The following ANKRD63 variants were observed in gnomAD, a reference collection of about 807,000 sequenced individuals.
The protein encoded by ANKRD63 is ankyrin repeat domain-containing protein 63.
ANKRD63 carries 18 observed loss-of-function variants against 21.2 expected under a neutral mutation model. The observed-to-expected ratio is 0.85, with a 90% confidence interval of 0.59 to 1.26. The LOEUF (loss-of-function observed/expected upper bound fraction) is 1.26, where lower values mean the gene tolerates loss of function less well. Among genes scored for constraint, ANKRD63 ranks in the 50% most tolerant of loss-of-function variants. The pLI is 0.00. For synonymous variants in ANKRD63, 322 were observed against 273.3 expected (o/e 1.18, Z -1.76); for missense variants, 523 against 570.9 (o/e 0.92, Z 0.85).
rs1031378114 is a variant in ANKRD63, at chr15:40,279,165, G to T, written c.*2279C>A. Among the ~76,000 whole-genome samples the T allele has an allele frequency of 6.6e-6, 1 of 152,180 alleles. No homozygotes were observed. Among genetic ancestry groups the T allele is most frequent in the African/African-American group, 2.4e-5 (1 of 41,416 alleles). On this transcript the variant is annotated 3_prime_UTR_variant, in exon 1 of 1. Coordinates refer to ENST00000434396, the MANE Select transcript of ANKRD63 (RefSeq NM_001190479.3). ...ACCACCCAGACGGGGACTGAGGAGA[G>T]GCAGATGTTTTGGGAGAAGAGGGGA...
Position 40,281,400 on chromosome 15 carries a change from GA to G in ANKRD63, c.*43del. ...AGAAGAGAGAAATACCAGTGGAGTA[GA>G]AACGGGAGGGTAGGGGAAGCAGGCC... On this transcript the variant is annotated 3_prime_UTR_variant, in exon 1 of 1. Coordinates refer to ENST00000434396, the MANE Select transcript of ANKRD63 (RefSeq NM_001190479.3). 3.0e-6 allele frequency: 4 copies of G among 1,344,478 alleles called. No homozygotes were observed. The highest frequency in any genetic ancestry group is 3.8e-6 in the Non-Finnish European group (4 of 1,048,202). 83.3% of individuals were successfully genotyped at this position (1,344,478 alleles called of 1,614,324 possible). A position where few individuals can be genotyped will look rare whatever the true frequency, so the allele number is the denominator to read the frequency against.
rs945185642 is a variant in ANKRD63 at position 40,282,028 on chromosome 15, G to A, written c.559C>T (p.Arg187Trp). The change falls in exon 1 of 1, where the codon CGG becomes TGG. Residue 187 changes from arginine to tryptophan, a missense_variant. By Grantham distance (101) the Arg-to-Trp change is moderately radical. Transcript: ENST00000434396. Reference sequence around the variant, plus strand: ...GGGGGACTATCGGAGTTGGAGCCCCGGGCCGCAGCGGCGGCGGCGGCGCGG... The same window carrying A: ...GGGGGACTATCGGAGTTGGAGCCCCAGGCCGCAGCGGCGGCGGCGGCGCGG... Reference protein sequence around the residue: ...WGRAAAAAAARGSNSDSPPGR... With the variant: ...WGRAAAAAAAWGSNSDSPPGR... The A allele has an allele frequency of 5.7e-6, 7 of 1,219,774 alleles. No homozygotes were observed. Among genetic ancestry groups the A allele is most frequent in the Non-Finnish European group, 6.1e-6 (6 of 981,884 alleles). The allele number at this position is 1,219,774 out of a possible 1,614,324, so 75.6% of individuals were successfully genotyped here. A position where few individuals can be genotyped will look rare whatever the true frequency, so the allele number is the denominator to read the frequency against.
rs2039549027 is a variant in ANKRD63 at position 40,281,957 on chromosome 15, G to T, written c.630C>A (p.Ser210Arg). ...GGAGAGGCCGCGGGAGGCGGCGGGG[G>T]CTGGGTCGTCGATGCTCGGGGCTGG... ...PAASPEHRRPSPRRLPRPLLA... is the reference protein window; with the variant it reads ...PAASPEHRRPRPRRLPRPLLA... The change falls in exon 1 of 1, where the codon AGC becomes AGA. Residue 210 changes from serine to arginine, a missense_variant. Coordinates refer to ENST00000434396, the MANE Select transcript of ANKRD63 (RefSeq NM_001190479.3). 3 of 1,280,854 alleles carry T rather than the reference G, an allele frequency of 2.3e-6. No individual in the cohort carries two copies. Among genetic ancestry groups the T allele is most frequent in the Non-Finnish European group, 2.0e-6 (2 of 1,016,590 alleles). 79.3% of individuals were successfully genotyped at this position (1,280,854 alleles called of 1,614,324 possible).
Position 40,281,919 on chromosome 15 carries a change from G to T in ANKRD63, c.668C>A (p.Ala223Glu). ...RLPRPLLARF[A>E]RAAGGHGGEA... Reference sequence around the variant, plus strand: ...GCCGCCGTGGCCGCCCGCCGCTCGCGCAAAGCGCGCCAGGAGAGGCCGCGG... The same window carrying T: ...GCCGCCGTGGCCGCCCGCCGCTCGCTCAAAGCGCGCCAGGAGAGGCCGCGG... Residue 223 changes from alanine (A) to glutamate (E), a missense_variant, in exon 1 of 1, where the codon GCG (alanine) becomes GAG (glutamate). Physicochemically the swap from Ala to Glu is moderately radical, Grantham distance 107 (BLOSUM62 -1). Around this residue, in one of 2 missense-constraint regions of ANKRD63, gnomAD observed 308 missense variants for 290.4 expected, o/e 1.06. Coordinates refer to ENST00000434396, the MANE Select transcript of ANKRD63 (RefSeq NM_001190479.3). 7.1e-7 allele frequency: 1 copy of T among 1,404,472 alleles called. No individual in the cohort carries two copies. The highest frequency in any genetic ancestry group is 1.6e-5 in the South Asian group (1 of 63,732). The allele number at this position is 1,404,472 out of a possible 1,614,324, so 87.0% of individuals were successfully genotyped here. A position where few individuals can be genotyped will look rare whatever the true frequency, so the allele number is the denominator to read the frequency against.
At position 40,282,386 on chromosome 15, in the gene ANKRD63, C is replaced by G; in HGVS notation, c.201G>C (p.Val67=). The G allele has an allele frequency of 6.7e-7, 1 of 1,498,646 alleles. No homozygotes were observed. Among genetic ancestry groups the G allele is most frequent in the Non-Finnish European group, 8.8e-7 (1 of 1,133,220 alleles). 92.8% of individuals were successfully genotyped at this position (1,498,646 alleles called of 1,614,324 possible). A position where few individuals can be genotyped will look rare whatever the true frequency, so the allele number is the denominator to read the frequency against. The change falls in exon 1 of 1, where the codon GTG becomes GTC. Residue 67 remains valine, a synonymous_variant. Transcript: ENST00000434396. ...CAGCACCCTGCTCGAGCAGCAGCCG[C>G]ACGAAGCGCGCGCGCAGCGCGGGGT... ...LPDPALRARF[V]RLLLEQGAAV...
Position 40,282,159 on chromosome 15 carries a change from AG to A in ANKRD63, c.427del (p.Leu143Ter). 2 of 1,486,804 alleles carry A rather than the reference AG, an allele frequency of 1.3e-6. No individual in the cohort carries two copies. The highest frequency in any genetic ancestry group is 1.8e-6 in the Non-Finnish European group (2 of 1,127,506). 92.1% of individuals were successfully genotyped at this position (1,486,804 alleles called of 1,614,324 possible). On this transcript the variant is annotated frameshift_variant, in exon 1 of 1. Coordinates refer to ENST00000434396, the MANE Select transcript of ANKRD63 (RefSeq NM_001190479.3). LOFTEE classifies it high-confidence loss of function. ...GTTGGTGCGGTCGAGGCGCAGGCCT[AG>A]GCGGCGGAAGGACCGCACCAGGAAC... ...LEFLVRSFRR[L>X]GLRLDRTNRA...
chr15:40,280,681 T>G lies in ANKRD63; in HGVS notation c.*763A>C, dbSNP rs10851394. 6.6e-6 allele frequency among the ~76,000 whole-genome samples: 1 copy of G among 152,192 alleles called. No individual in the cohort carries two copies. Among genetic ancestry groups the G allele is most frequent in the African/African-American group, 2.4e-5 (1 of 41,430 alleles). ...TCTGAGCTGAAGAGCGGGCTGGCTC[T>G]GGAGCCCGGAGTTGGCCTGGGTAGG... On this transcript the variant is annotated 3_prime_UTR_variant, in exon 1 of 1. Transcript: ENST00000434396.
In ANKRD63 at chr15:40,282,500, G is replaced by A. The variant is rs1282248920; in HGVS notation, c.87C>T (p.Arg29=). ...AMQAGKVHLA[R]FVLDALDRSI... is the part of the protein sequence containing the mutation. ...TGCGGTCCAGCGCATCCAACACGAAGCGGGCCAAGTGCACTTTGCCCGCCT... is the reference window on the plus strand; with the variant it reads ...TGCGGTCCAGCGCATCCAACACGAAACGGGCCAAGTGCACTTTGCCCGCCT... Residue 29 remains arginine, a synonymous_variant, in exon 1 of 1, where the codon CGC becomes CGT. Transcript: ENST00000434396. 7.9e-6 allele frequency: 12 copies of A among 1,516,548 alleles called. No homozygotes were observed. In the East Asian group the frequency reaches 1.3e-4, roughly 17 times the overall value. The allele number at this position is 1,516,548 out of a possible 1,614,324, so 93.9% of individuals were successfully genotyped here.
In ANKRD63 at chr15:40,279,750, G is replaced by T. The variant is rs1234304501; in HGVS notation, c.*1694C>A. Among the ~76,000 whole-genome samples the T allele has an allele frequency of 6.6e-6, 1 of 152,346 alleles. No individual in the cohort carries two copies. Among genetic ancestry groups the T allele is most frequent in the East Asian group, 1.9e-4 (1 of 5,192 alleles). On this transcript the variant is annotated 3_prime_UTR_variant, in exon 1 of 1. Transcript: ENST00000434396. ...ACATTCTCGCTCTGGGCAGTTCCCT[G>T]GGAGTTGCTGGCGAGAAACCTTCCG...
In ANKRD63 at chr15:40,279,557, C is replaced by G. The variant is rs561176705; in HGVS notation, c.*1887G>C. Reference sequence around the variant, plus strand: ...CGAGCCGGGGCGCAGCGGGGAGGGCCCAGCGCTGCCACCAGGGGGCACCAG... The same window carrying G: ...CGAGCCGGGGCGCAGCGGGGAGGGCGCAGCGCTGCCACCAGGGGGCACCAG... On this transcript the variant is annotated 3_prime_UTR_variant, in exon 1 of 1. Transcript: ENST00000434396. Among the ~76,000 whole-genome samples, 1 of 152,320 alleles carries G rather than the reference C, an allele frequency of 6.6e-6. No individual in the cohort carries two copies. The highest frequency in any genetic ancestry group is 6.5e-5 in the Admixed American group (1 of 15,300).
Position 40,281,688 on chromosome 15 carries a change from C to T in ANKRD63, c.899G>A (p.Gly300Glu), listed in dbSNP as rs1400735962. The change falls in exon 1 of 1, where the codon GGA becomes GAA. Residue 300 changes from glycine (G) to glutamate (E), a missense_variant. By Grantham distance (98) the Gly-to-Glu change is moderately conservative. Around this residue, in one of 2 missense-constraint regions of ANKRD63, gnomAD observed 308 missense variants for 290.4 expected, o/e 1.06. Transcript: ENST00000434396. ...GGCTTGCGCTAAGGTTGGGGGCGCT[C>T]CCTCCAGCACCTCCTGTGAGCGCCA... The part of the protein sequence containing the change: ...GRWRSQEVLE[G>E]APPTLAQAPI... 3.9e-6 allele frequency: 6 copies of T among 1,531,558 alleles called. No individual in the cohort carries two copies. The highest frequency in any genetic ancestry group is 1.4e-5 in the African/African-American group (1 of 73,038). 94.9% of individuals were successfully genotyped at this position (1,531,558 alleles called of 1,614,324 possible).
Position 40,278,496 on chromosome 15 carries a change from T to TC in ANKRD63, c.*2947_*2948insG, listed in dbSNP as rs2039506973. The stretch of plus-strand genomic sequence containing the variant: ...GCTCACACACACACCACTTCTGATC[T>TC]TAGGGTACCAAGTGCCAGCATCCTG... On this transcript the variant is annotated 3_prime_UTR_variant, in exon 1 of 1. Coordinates refer to ENST00000434396, the MANE Select transcript of ANKRD63 (RefSeq NM_001190479.3). Among the ~76,000 whole-genome samples the TC allele has an allele frequency of 1.3e-5, 2 of 152,192 alleles. No homozygotes were observed. The highest frequency in any genetic ancestry group is 2.4e-5 in the African/African-American group (1 of 41,440).
In ANKRD63 at chr15:40,280,735, T is replaced by C. The variant is rs1190169524; in HGVS notation, c.*709A>G. On this transcript the variant is annotated 3_prime_UTR_variant, in exon 1 of 1. Coordinates refer to ENST00000434396, the MANE Select transcript of ANKRD63 (RefSeq NM_001190479.3). ...TGTGTGGAGCAGTGACTCCACATTA[T>C]CAATGAAGCTGAATCCTGGGGCAGA... is the stretch of plus-strand genomic sequence containing the variant. Among the ~76,000 whole-genome samples the C allele has an allele frequency of 2.6e-5, 4 of 152,222 alleles. No individual in the cohort carries two copies. The highest frequency in any genetic ancestry group is 5.9e-5 in the Non-Finnish European group (4 of 68,050).
Position 40,280,947 on chromosome 15 carries a change from C to T in ANKRD63, c.*497G>A, listed in dbSNP as rs558653655. On this transcript the variant is annotated 3_prime_UTR_variant, in exon 1 of 1. Coordinates refer to ENST00000434396, the MANE Select transcript of ANKRD63 (RefSeq NM_001190479.3). ...TCCTGAAAGGCTCTAGGGCCCCCTC[C>T]GTCCTTTCCTTCTCCCACACTTGGA... Among the ~76,000 whole-genome samples, 174 of 152,388 alleles carry T rather than the reference C, an allele frequency of 1.1e-3. No individual in the cohort carries two copies. Among genetic ancestry groups the T allele is most frequent in the African/African-American group, 4.0e-3 (167 of 41,594 alleles).
In ANKRD63 at chr15:40,280,426, C is replaced by T. The variant is rs142549856; in HGVS notation, c.*1018G>A. On this transcript the variant is annotated 3_prime_UTR_variant, in exon 1 of 1. Coordinates refer to ENST00000434396, the MANE Select transcript of ANKRD63 (RefSeq NM_001190479.3). ...GACCCGCTGCTTTCTGCTTCATATACAAAGGCTTAAAACACGAGTTCTTTG... is the reference window on the plus strand; with the variant it reads ...GACCCGCTGCTTTCTGCTTCATATATAAAGGCTTAAAACACGAGTTCTTTG... Among the ~76,000 whole-genome samples, 2 of 152,390 alleles carry T rather than the reference C, an allele frequency of 1.3e-5. No homozygotes were observed. Among genetic ancestry groups the T allele is most frequent in the East Asian group, 3.9e-4 (2 of 5,188 alleles).
chr15:40,281,452 G>T lies in ANKRD63; in HGVS notation c.1135C>A (p.Gln379Lys). 1 of 1,412,142 alleles carries T rather than the reference G, an allele frequency of 7.1e-7. No homozygotes were observed. Among genetic ancestry groups the T allele is most frequent in the South Asian group, 1.5e-5 (1 of 65,592 alleles). The allele number at this position is 1,412,142 out of a possible 1,614,324, so 87.5% of individuals were successfully genotyped here. The stretch of plus-strand genomic sequence containing the variant: ...TCGGGCCTTGGCGCCGTTTACCGCT[G>T]AGCACGCAGCACCACAGCCTCGGTG... The part of the protein sequence containing the change: ...AGTEAVVLRA[Q>K]R The change falls in exon 1 of 1, where the codon CAG (glutamine) becomes AAG (lysine). Residue 379 changes from glutamine to lysine, a missense_variant. Transcript: ENST00000434396.
Position 40,282,027 on chromosome 15 carries a change from C to G in ANKRD63, c.560G>C (p.Arg187Pro), listed in dbSNP as rs1303309031. Reference protein sequence around the residue: ...WGRAAAAAAARGSNSDSPPGR... With the variant: ...WGRAAAAAAAPGSNSDSPPGR... Reference sequence around the variant, plus strand: ...AGGGGGACTATCGGAGTTGGAGCCCCGGGCCGCAGCGGCGGCGGCGGCGCG... The same window carrying G: ...AGGGGGACTATCGGAGTTGGAGCCCGGGGCCGCAGCGGCGGCGGCGGCGCG... The change falls in exon 1 of 1, where the codon CGG (arginine) becomes CCG (proline). Residue 187 changes from arginine to proline, a missense_variant. Arg to Pro is a moderately radical substitution (Grantham distance 103, BLOSUM62 -2). This residue lies in a region of ANKRD63 where 308 missense variants were observed against 290.4 expected (regional missense o/e 1.06). Transcript: ENST00000434396. 2 of 1,219,628 alleles carry G rather than the reference C, an allele frequency of 1.6e-6. No homozygotes were observed. The highest frequency in any genetic ancestry group is 2.0e-6 in the Non-Finnish European group (2 of 981,818). The allele number at this position is 1,219,628 out of a possible 1,614,324, so 75.6% of individuals were successfully genotyped here.
rs2039525155 is a variant in ANKRD63 at position 40,280,163 on chromosome 15, C to T, written c.*1281G>A. ...AGGCAGGAGTCCCGGGTCTCGAACTCTAGCATCCATCATCCGCCCTGCCCT... is the reference window on the plus strand; with the variant it reads ...AGGCAGGAGTCCCGGGTCTCGAACTTTAGCATCCATCATCCGCCCTGCCCT... On this transcript the variant is annotated 3_prime_UTR_variant, in exon 1 of 1. Coordinates refer to ENST00000434396, the MANE Select transcript of ANKRD63 (RefSeq NM_001190479.3). 6.6e-6 allele frequency among the ~76,000 whole-genome samples: 1 copy of T among 152,260 alleles called. No homozygotes were observed. Among genetic ancestry groups the T allele is most frequent in the Non-Finnish European group, 1.5e-5 (1 of 68,050 alleles).
chr15:40,281,770 G>T lies in ANKRD63; in HGVS notation c.817C>A (p.Arg273=), dbSNP rs1473968834. The T allele has an allele frequency of 3.3e-6, 5 of 1,535,062 alleles. No individual in the cohort carries two copies. In the Admixed American group the frequency reaches 9.8e-5, roughly 30 times the overall value. The change falls in exon 1 of 1, where the codon CGG becomes AGG. Residue 273 remains arginine, a synonymous_variant. Transcript: ENST00000434396. Reference sequence around the variant, plus strand: ...GGTAGGGCCATCAGGGCCCCAGCCCGCAGGCGGGCAGCCTCCTCCTCGGTT... The same window carrying T: ...GGTAGGGCCATCAGGGCCCCAGCCCTCAGGCGGGCAGCCTCCTCCTCGGTT... ...AVTEEEAARL[R]AGALMALPNS... is the part of the protein sequence containing the mutation.
Sources: gnomAD v4.1 joint callset for allele counts (sites outside exome capture counted in the v4.1 genomes callset) on GRCh38, gnomAD v4.1.1 for gene constraint, gnomAD v4.1.1 regional missense constraint, MANE v1.5 for transcripts, NCBI Gene and HGNC (gene_info 2026-07-23, HGNC 2026-07-21) for gene names.